The following TENM3 variants were observed in gnomAD, a reference collection of about 807,000 sequenced individuals.
TENM3 encodes teneurin-3.
TENM3 carries 63 observed loss-of-function variants against 255.1 expected under a neutral mutation model. That is an observed-to-expected ratio of 0.25 (90% CI 0.20 to 0.30). The LOEUF is 0.30. TENM3 is among the 10% of genes least tolerant of loss of function. The pLI is 1.00. For synonymous variants in TENM3, 1,306 were observed against 1,322.3 expected (o/e 0.99, Z 0.27); for missense variants, 2,929 against 3,461.1 (o/e 0.85, Z 3.86).
the TENM3 span, among the ~76,000 whole-genome samples, chr4:182,093,750 C>T: frequency 6.6e-6 from 1 of 152,128 alleles, no homozygotes; most frequent in African/African-American, 2.4e-5. Flanking sequence ...GCTCAAAAAC[C>T]ACCCACCAGG....
Position 182,621,616 on chromosome 4 carries a change from T to TA in TENM3, c.750-7034dup, listed in dbSNP as rs1561015564. 9.6e-5 allele frequency among the ~76,000 whole-genome samples: 7 copies of TA among 73,198 alleles called. 1 individual carries two copies. The highest frequency in any genetic ancestry group is 9.5e-4 in the East Asian group (3 of 3,164). 48.0% of individuals were successfully genotyped at this position (73,198 alleles called of 152,430 possible). On this transcript the variant is annotated intron_variant, in intron 4 of 27. Transcript: ENST00000511685. ...CCATCTGTACAAAAATATATATAAA[T>TA]ATATATATAAAATATATAATATATA...
chr4:182,798,499 TG>T (rs1459506415), intron 27 of TENM3, among the ~76,000 whole-genome samples: 1 of 152,232 alleles, frequency 6.6e-6, no homozygotes, highest in Non-Finnish European at 1.5e-5. Flanking sequence ...CCCGCTATGA[TG>T]TTCACACAAG....
chr4:181,672,787 T>C, the TENM3 span, among the ~76,000 whole-genome samples: 2 of 152,172 alleles, frequency 1.3e-5, no homozygotes, highest in African/African-American at 4.8e-5. Context: ...ATAATCAATC[T>C]TCAAAATAAA....
chr4:181,632,914 A>G, the TENM3 span, among the ~76,000 whole-genome samples: 2 of 152,228 alleles, frequency 1.3e-5, no homozygotes, highest in African/African-American at 4.8e-5. Flanking sequence ...ATAACCAATT[A>G]AAATAAGTGT....
intron 1 of TENM3, among the ~76,000 whole-genome samples, chr4:182,211,041 CG>C (rs1360897085): frequency 6.6e-6 from 1 of 152,146 alleles, no homozygotes; most frequent in Non-Finnish European, 1.5e-5. Flanking sequence ...CTACCCTTGT[CG>C]CTGTCCCTCA....
chr4:182,475,034 A>G (rs192979559), intron 3 of TENM3, among the ~76,000 whole-genome samples: 239 of 152,280 alleles, frequency 1.6e-3, no homozygotes, highest in African/African-American at 5.4e-3. Flanking sequence ...TTTCCCCCAT[A>G]TAAGTCCTCT....
chr4:181,660,531 A>T, the TENM3 span, among the ~76,000 whole-genome samples: 1 of 152,176 alleles, frequency 6.6e-6, no homozygotes, highest in South Asian at 2.1e-4. Context: ...GGCAAATCCT[A>T]TCAAACAGAT....
the TENM3 span, among the ~76,000 whole-genome samples, chr4:181,859,051 T>C: frequency 3.9e-5 from 6 of 152,066 alleles, no homozygotes; most frequent in African/African-American, 1.4e-4. Context: ...GTCTTGTTGG[T>C]TCTGGGTTTT....
At chr4:181,686,174 T>C in the TENM3 span, among the ~76,000 whole-genome samples, 1 of 152,122 alleles carries the variant, frequency 6.6e-6, no homozygotes, top group Non-Finnish European at 1.5e-5. Flanking sequence ...CAGCTGCAGA[T>C]AGTGGAATGA....
chr4:181,488,195 G>A, the TENM3 span, among the ~76,000 whole-genome samples: 1 of 152,170 alleles, frequency 6.6e-6, no homozygotes, highest in Admixed American at 6.5e-5. Flanking sequence ...CACCTTGCAT[G>A]TTGATTTCAA....
chr4:182,275,976 T>C (rs1486791904), intron 1 of TENM3, among the ~76,000 whole-genome samples: 1 of 152,044 alleles, frequency 6.6e-6, no homozygotes. Context: ...CAAAAAAAAT[T>C]TTTTTAAGGT....
chr4:181,457,707 A>C, the TENM3 span, among the ~76,000 whole-genome samples: 1 of 113,274 alleles, frequency 8.8e-6, no homozygotes, highest in Non-Finnish European at 1.9e-5. Context: ...GAAGTCAGGT[A>C]GTCAATTACA....
At chr4:182,302,501 G>A (rs1328467922) in intron 1 of TENM3, among the ~76,000 whole-genome samples, 1 of 152,112 alleles carries the variant, frequency 6.6e-6, no homozygotes, top group Non-Finnish European at 1.5e-5. Context: ...AGTAAGACAA[G>A]TAGCATAGGA....
Position 182,731,097 on chromosome 4 carries a change from C to T in TENM3, c.2925C>T (p.Phe975=), listed in dbSNP as rs1451595285. ...TGTCATCACCTTTATCCACCTTTTT[C>T]AGATCTTCTCCTGAAGACAGTCCCA... The part of the protein sequence containing the change: ...IIVSSPLSTF[F]RSSPEDSPII... The change falls in exon 16 of 28, where the codon TTC becomes TTT. Residue 975 remains phenylalanine, a synonymous_variant. Coordinates refer to ENST00000511685, the MANE Select transcript of TENM3 (RefSeq NM_001080477.4). The T allele has an allele frequency of 1.9e-6, 3 of 1,613,896 alleles. No homozygotes were observed. Among genetic ancestry groups the T allele is most frequent in the Non-Finnish European group, 1.7e-6 (2 of 1,179,852 alleles).
chr4:181,999,060 T>C, the TENM3 span, among the ~76,000 whole-genome samples: 1 of 152,212 alleles, frequency 6.6e-6, no homozygotes, highest in African/African-American at 2.4e-5. Context: ...TTCTGGTTTC[T>C]GAGGACTTGA....
intron 3 of TENM3, among the ~76,000 whole-genome samples, chr4:182,469,506 G>C (rs1202637700): frequency 6.6e-6 from 1 of 152,106 alleles, no homozygotes; most frequent in Non-Finnish European, 1.5e-5. Flanking sequence ...CTTGAGGTCA[G>C]GAGTTCAAGA....
intron 2 of TENM3, among the ~76,000 whole-genome samples, chr4:182,336,939 T>C (rs1376009631): frequency 6.6e-6 from 1 of 151,198 alleles, no homozygotes; most frequent in Non-Finnish European, 1.5e-5. Flanking sequence ...AGCCTCTGAG[T>C]CCACTGTATA....
the TENM3 span, among the ~76,000 whole-genome samples, chr4:181,519,554 T>A: frequency 7.2e-5 from 11 of 152,206 alleles, no homozygotes; most frequent in Admixed American, 7.2e-4. Context: ...ATGATTACGA[T>A]TACTTAAGGT....
the TENM3 span, among the ~76,000 whole-genome samples, chr4:182,065,860 A>G: frequency 7.2e-5 from 11 of 152,314 alleles, 1 homozygote; most frequent in South Asian, 2.3e-3. Context: ...TTTTCTCACC[A>G]GCGAATTCCC....
Sources: gnomAD v4.1 joint callset for allele counts (sites outside exome capture counted in the v4.1 genomes callset) on GRCh38, gnomAD v4.1.1 for gene constraint, MANE v1.5 for transcripts, NCBI Gene and HGNC (gene_info 2026-07-23, HGNC 2026-07-21) for gene names.